Variants in WDR1 observed in about 807,000 individuals in gnomAD.
WDR1 encodes the protein WD repeat domain 1.
Under a neutral mutation model 71.9 loss-of-function variants are expected in WDR1, and 21 were observed. The observed-to-expected ratio is 0.29, with a 90% CI of 0.21 to 0.42. WDR1 has a LOEUF of 0.42. Among genes scored for constraint, WDR1 ranks in the 10% least tolerant of loss-of-function variants. The pLI is 1.00. For synonymous variants in WDR1, 424 were observed against 347.4 expected (o/e 1.22, Z -2.45); for missense variants, 696 against 824.5 (o/e 0.84, Z 1.91).
intron 14 of WDR1, 199 bp from the exon 15 acceptor site, chr4:10,075,683 G>A (rs978462037): frequency 1.1e-4 from 68 of 600,552 alleles, no homozygotes; most frequent in Admixed American, 4.0e-4. Flanking sequence ...CCCCGGGGCC[G>A]GGTACCTCTT....
chr4:10,116,401 C>T (rs1224719692), intron 1 of WDR1, 167 bp from the exon 2 acceptor site: 2 of 1,085,722 alleles, frequency 1.8e-6, no homozygotes, highest in Admixed American at 2.7e-5. Flanking sequence ...TCCTGGTCCG[C>T]GCCCCGGGCC....
chr4:10,080,499 T>C (rs1244032654), intron 11 of WDR1, among the ~76,000 whole-genome samples: 1 of 152,232 alleles, frequency 6.6e-6, no homozygotes, highest in Non-Finnish European at 1.5e-5. Flanking sequence ...GATTTCTTAT[T>C]ATCTAGGACA....
At chr4:10,088,126 C>T (rs936904506) in intron 7 of WDR1, among the ~76,000 whole-genome samples, 167 bp downstream of exon 7, 3 of 152,326 alleles carry the variant, frequency 2.0e-5, no homozygotes, top group East Asian at 3.9e-4. Flanking sequence ...TACCTTCTCC[C>T]ATCACCTTAT....
rs1216248853 is a variant in WDR1, at chr4:10,113,625, C to G, written c.138+2488G>C. Among the ~76,000 whole-genome samples, 5 of 152,130 alleles carry G rather than the reference C, an allele frequency of 3.3e-5. No homozygotes were observed. The East Asian group carries it at 9.6e-4, about 29-fold the overall frequency. ...ACCCCCAGGGCAACAAGGGTGAAAGCAAGGAGACCTGTTTGGTTTTCGGGA... is the reference window on the plus strand; with the variant it reads ...ACCCCCAGGGCAACAAGGGTGAAAGGAAGGAGACCTGTTTGGTTTTCGGGA... On this transcript the variant is annotated intron_variant, in intron 2 of 14. Coordinates refer to ENST00000499869, the MANE Select transcript of WDR1 (RefSeq NM_017491.5).
chr4:10,108,573 T>C (rs961730100), intron 2 of WDR1, among the ~76,000 whole-genome samples: 2 of 152,154 alleles, frequency 1.3e-5, no homozygotes, highest in African/African-American at 4.8e-5. Flanking sequence ...GCTTTGTAAA[T>C]ACTCCAAGTT....
chr4:10,078,248 A>G (rs1021406786), intron 12 of WDR1, among the ~76,000 whole-genome samples: 1 of 152,156 alleles, frequency 6.6e-6, no homozygotes, highest in Non-Finnish European at 1.5e-5. Context: ...CCCAGCCCCT[A>G]GCATGGAGGG....
chr4:10,087,622 C>A, intron 8 of WDR1, 85 bp downstream of exon 8: 5 of 1,325,696 alleles, frequency 3.8e-6, no homozygotes, highest in Non-Finnish European at 4.1e-6. Flanking sequence ...CACCTGGCTT[C>A]CCCTCGGTTC....
At chr4:10,110,743 A>C (rs1713299133) in intron 2 of WDR1, among the ~76,000 whole-genome samples, 2 of 152,180 alleles carry the variant, frequency 1.3e-5, no homozygotes, top group Non-Finnish European at 2.9e-5. Flanking sequence ...CAGAGTTTTC[A>C]ACCTTGGTAC....
chr4:10,076,554 A>G (rs1764803412), intron 14 of WDR1: 1 of 152,304 alleles, frequency 6.6e-6, no homozygotes, highest in Admixed American at 6.5e-5. Flanking sequence ...ACCAGGACGG[A>G]CGTTGAAACC....
rs528960833 is a variant in WDR1, at chr4:10,110,187, C to T, written c.138+5926G>A. Among the ~76,000 whole-genome samples the T allele has an allele frequency of 1.1e-4, 16 of 152,250 alleles. No individual in the cohort carries two copies. In the South Asian group the frequency reaches 2.7e-3, roughly 26 times the overall value. On this transcript the variant is annotated intron_variant, in intron 2 of 14. Transcript: ENST00000499869. ...AAGCAAGGTGACCAAAGCTAAGGACCCACAGGTCTAAGGAGCAGGCACATC... is the reference window on the plus strand; with the variant it reads ...AAGCAAGGTGACCAAAGCTAAGGACTCACAGGTCTAAGGAGCAGGCACATC...
chr4:10,093,115 A>C (rs1467456566), intron 5 of WDR1: 1 of 1,289,440 alleles, frequency 7.8e-7, no homozygotes, highest in Non-Finnish European at 1.0e-6. Flanking sequence ...TCACAGAGCG[A>C]CAGAGCGCTG....
In WDR1 at chr4:10,098,378, A is replaced by G. The variant is rs546799779; in HGVS notation, c.378-487T>C. On this transcript the variant is annotated intron_variant, in intron 4 of 14. Coordinates refer to ENST00000499869, the MANE Select transcript of WDR1 (RefSeq NM_017491.5). ...AAACACCTACTAGAACATGTACGAG[A>G]AAGTGCCATTCAGTGAAGAACAGAC... Among the ~76,000 whole-genome samples the G allele has an allele frequency of 2.0e-5, 3 of 152,348 alleles. No individual in the cohort carries two copies. The East Asian group carries it at 5.8e-4, about 29-fold the overall frequency.
chr4:10,103,979 G>C lies in WDR1; in HGVS notation c.146C>G (p.Ala49Gly). 1.3e-6 allele frequency: 2 copies of C among 1,597,844 alleles called. No homozygotes were observed. The highest frequency in any genetic ancestry group is 1.7e-6 in the Non-Finnish European group (2 of 1,172,396). ...GTGCTCTGTGTAGATGTCAGCAAGG[G>C]CTGGGTTCTGCAGGAGGAGACCCCG... ...CVILRNIDNP[A>G]LADIYTEHAH... Residue 49 changes from alanine to glycine, a missense_variant, in exon 3 of 15, where the codon GCC (alanine) becomes GGC (glycine). Transcript: ENST00000499869.
intron 5 of WDR1, chr4:10,094,703 G>A (rs2109670168): frequency 6.6e-6 from 1 of 152,280 alleles, no homozygotes; most frequent in African/African-American, 2.4e-5. Flanking sequence ...ATGTCACTGG[G>A]TAGGAATGAG....
At chr4:10,078,515 C>T (rs1325679997) in intron 12 of WDR1, 1 of 201,706 alleles carries the variant, frequency 5.0e-6, no homozygotes, top group Middle Eastern at 4.6e-4. Flanking sequence ...CCGAGCCCAG[C>T]CCCAGGGGAT....
At position 10,077,317 on chromosome 4, in the gene WDR1, T is replaced by C; in HGVS notation, c.1701A>G (p.Arg567=). The change falls in exon 14 of 15, where the codon AGA becomes AGG. Residue 567 remains arginine, a synonymous_variant. Transcript: ENST00000499869. ...YVWTLSDPET[R]VKIQDAHRLH... ...GGCGGAAGTCACCTTGGATCTTGACTCTGGTTTCCGGGTCACTCAGGGTCC... is the reference window on the plus strand; with the variant it reads ...GGCGGAAGTCACCTTGGATCTTGACCCTGGTTTCCGGGTCACTCAGGGTCC... 6.2e-7 allele frequency: 1 copy of C among 1,614,010 alleles called. No individual in the cohort carries two copies. The highest frequency in any genetic ancestry group is 8.5e-7 in the Non-Finnish European group (1 of 1,179,868).
intron 8 of WDR1, among the ~76,000 whole-genome samples, chr4:10,087,431 G>A (rs181002808): frequency 6.6e-6 from 1 of 152,366 alleles, no homozygotes; most frequent in African/African-American, 2.4e-5. Context: ...ACAGCTGGGG[G>A]TGATGGCCAC....
intron 3 of WDR1, among the ~76,000 whole-genome samples, chr4:10,099,802 C>G (rs892386432): frequency 6.6e-6 from 1 of 152,250 alleles, no homozygotes; most frequent in Admixed American, 6.5e-5. Flanking sequence ...GCACAGGAAT[C>G]CAAGCGTAAG....
At chr4:10,102,936 T>TATGA (rs1712768292) in intron 3 of WDR1, among the ~76,000 whole-genome samples, 1 of 152,136 alleles carries the variant, frequency 6.6e-6, no homozygotes, top group South Asian at 2.1e-4. Flanking sequence ...CTGTTGAGCT[T>TATGA]ATGAATGAAT....
Sources: allele counts gnomAD v4.1 joint callset (sites outside exome capture counted in the v4.1 genomes callset), GRCh38; gene constraint gnomAD v4.1.1; transcripts MANE v1.5; gene names NCBI Gene and HGNC (gene_info 2026-07-23, HGNC 2026-07-21).